LYST: variants seen among roughly 807,000 people sequenced by gnomAD.
The protein encoded by LYST is lysosomal trafficking regulator.
In LYST, 192 loss-of-function variants were observed where a neutral mutation model predicts 413.6. That is an observed-to-expected ratio of 0.46 (90% CI 0.41 to 0.52). LYST has a LOEUF of 0.52. Among genes scored for constraint, LYST ranks in the 20% least tolerant of loss-of-function variants. The pLI, the probability that LYST is intolerant of heterozygous loss-of-function variation, is 0.00. For synonymous variants in LYST, 1,525 were observed against 1,567.3 expected (o/e 0.97, Z 0.64); for missense variants, 3,815 against 4,499.9 (o/e 0.85, Z 4.35).
intron 1 of LYST, among the ~76,000 whole-genome samples, chr1:235,839,065 A>G (rs534051530): frequency 1.2e-4 from 18 of 151,856 alleles, no homozygotes; most frequent in African/African-American, 4.1e-4. Context: ...GCTCAAGTGA[A>G]CCTCCCGCCT....
At position 235,882,078 on chromosome 1, in the gene LYST, T is replaced by TCACACACACACACACACACACA. The variant is rs71174466; in HGVS notation, n.454+1087_454+1108dup. On this transcript the variant is annotated intron_variant and non_coding_transcript_variant, in intron 1 of 11. Coordinates refer to the LYST transcript ENST00000465349. ...CACATACACACACACACTCTTTCTT[T>TCACACACACACACACACACACA]CACACACACACACACACACACACAC... 6.1e-3 allele frequency among the ~76,000 whole-genome samples: 892 copies of TCACACACACACACACACACACA among 145,766 alleles called. 9 individuals carry two copies. The highest frequency in any genetic ancestry group is 0.022 in the African/African-American group (850 of 38,904).
At chr1:235,806,886 C>T in intron 5 of LYST, 114 bp from the exon 6 acceptor site, 1 of 718,390 alleles carries the variant, frequency 1.4e-6, no homozygotes, top group Non-Finnish European at 2.4e-6. Context: ...TAACCACTAC[C>T]TAATTTTATT....
chr1:235,733,591 C>T lies in LYST; in HGVS notation c.8713G>A (p.Val2905Met). The change falls in exon 34 of 53, where the codon GTG becomes ATG. Residue 2905 changes from valine (V) to methionine (M), a missense_variant. Coordinates refer to ENST00000389793, the MANE Select transcript of LYST (RefSeq NM_000081.4). ...SLSQGNERKK[V>M]IQHIRGMYKV... ...TACATTCCTCTAATATGCTGGATCA[C>T]CTTTTTTCTCTCATTTCCTTGGGAG... is the stretch of plus-strand genomic sequence containing the variant. 6.2e-7 allele frequency: 1 copy of T among 1,613,830 alleles called. No homozygotes were observed.
chr1:235,773,267 A>G lies in LYST; in HGVS notation c.5784+575T>C, dbSNP rs568481107. 2.4e-3 allele frequency among the ~76,000 whole-genome samples: 364 copies of G among 152,130 alleles called. 3 individuals carry two copies. The highest frequency in any genetic ancestry group is 0.01 in the Middle Eastern group (3 of 294). On this transcript the variant is annotated intron_variant, in intron 19 of 52. Transcript: ENST00000389793. ...CTGGGGGTGGAGGTTGCAGTGAGCCAAGATCACGCCACTGCACTCCAGCCT... is the reference window on the plus strand; with the variant it reads ...CTGGGGGTGGAGGTTGCAGTGAGCCGAGATCACGCCACTGCACTCCAGCCT...
In LYST at chr1:235,810,042, T is replaced by A. The variant is rs1240232026; in HGVS notation, c.776A>T (p.His259Leu). ...TTTTTCTAATAAAGATAACAAAACA[T>A]GACATAAGTCAAATGGAGAATTGTT... ...NMNNSPFDLC[H>L]VLLSLLEKVC... is the part of the protein sequence containing the mutation. Residue 259 changes from histidine (H) to leucine (L), a missense_variant, in exon 5 of 53, where the codon CAT becomes CTT. Around this residue, in one of 4 missense-constraint regions of LYST, gnomAD observed 1,648 missense variants for 1,810.3 expected, o/e 0.91. Coordinates refer to ENST00000389793, the MANE Select transcript of LYST (RefSeq NM_000081.4). 1.9e-6 allele frequency: 3 copies of A among 1,614,030 alleles called. No homozygotes were observed. Among genetic ancestry groups the A allele is most frequent in the Non-Finnish European group, 2.5e-6 (3 of 1,179,960 alleles).
chr1:235,801,772 A>G (rs1672257931), intron 8 of LYST, among the ~76,000 whole-genome samples: 1 of 152,138 alleles, frequency 6.6e-6, no homozygotes, highest in Non-Finnish European at 1.5e-5. Flanking sequence ...TAATAAACCA[A>G]TATTTTTTCA....
chr1:235,870,108 C>T (rs1296054362), upstream of LYST, among the ~76,000 whole-genome samples: 3 of 152,144 alleles, frequency 2.0e-5, no homozygotes, highest in African/African-American at 7.2e-5. Flanking sequence ...ACAAATGTTC[C>T]CTAAAACAAT....
intron 32 of LYST, among the ~76,000 whole-genome samples, chr1:235,734,226 C>T (rs565334488): frequency 6.6e-6 from 1 of 152,144 alleles, no homozygotes; most frequent in East Asian, 1.9e-4. Context: ...CTTCAGCTTG[C>T]TTGTCACTTT....
intron 44 of LYST, among the ~76,000 whole-genome samples, chr1:235,706,749 T>C (rs942186114): frequency 2.7e-4 from 41 of 152,324 alleles, no homozygotes; most frequent in African/African-American, 8.4e-4. Flanking sequence ...TTCCATAGCA[T>C]TTATCTTCTA....
upstream of LYST, among the ~76,000 whole-genome samples, chr1:235,869,388 C>G (rs147356085): frequency 3.9e-4 from 60 of 152,224 alleles, 2 homozygotes; most frequent in East Asian, 0.012. Flanking sequence ...AGGAGAATAG[C>G]GTGAACCCGG....
At chr1:235,825,377 T>G (rs576724747) in intron 3 of LYST, among the ~76,000 whole-genome samples, 1 of 152,092 alleles carries the variant, frequency 6.6e-6, no homozygotes, top group Admixed American at 6.5e-5. Context: ...ATAAAAGGCA[T>G]ACAAATTGGG....
At chr1:235,862,266 C>T (rs907189646) in intron 1 of LYST, among the ~76,000 whole-genome samples, 2 of 152,222 alleles carry the variant, frequency 1.3e-5, no homozygotes, top group African/African-American at 4.8e-5. Context: ...CTGTTTTCCT[C>T]ACCCCTTTTC....
At chr1:235,824,287 T>C (rs941978867) in intron 3 of LYST, among the ~76,000 whole-genome samples, 1 of 152,382 alleles carries the variant, frequency 6.6e-6, no homozygotes, top group Non-Finnish European at 1.5e-5. Flanking sequence ...ATGGAAATTA[T>C]GTATCACTGA....
At chr1:235,873,022 C>T (rs977345150) in intron 1 of LYST, among the ~76,000 whole-genome samples, 13 of 152,090 alleles carry the variant, frequency 8.5e-5, no homozygotes, top group Non-Finnish European at 1.5e-4. Flanking sequence ...AGAGTTTCCA[C>T]GGCCTATCTT....
At position 235,809,279 on chromosome 1, in the gene LYST, G is replaced by C; in HGVS notation, c.1539C>G (p.His513Gln). ...AAACCAGAAGACCTGAGAGATCTCG[G>C]TGATGATGCATAAAATGAGAATATT... is the stretch of plus-strand genomic sequence containing the variant. The part of the protein sequence containing the change: ...RCEYSHFMHH[H>Q]RDLSGLLVSA... Residue 513 changes from histidine (H) to glutamine (Q), a missense_variant, in exon 5 of 53, where the codon CAC becomes CAG. Transcript: ENST00000389793. The surrounding 1 kb of genome is among the most constrained non-coding windows in gnomAD (Gnocchi z 4.0). The C allele has an allele frequency of 3.1e-6, 5 of 1,614,042 alleles. No individual in the cohort carries two copies. Among genetic ancestry groups the C allele is most frequent in the Non-Finnish European group, 4.2e-6 (5 of 1,179,972 alleles).
chr1:235,801,413 T>TG (rs1672202441), intron 8 of LYST, among the ~76,000 whole-genome samples: 1 of 150,548 alleles, frequency 6.6e-6, no homozygotes. Context: ...TCAAACTTTC[T>TG]GACCCCCCCC....
At chr1:235,790,755 C>T (rs1336203657) in intron 12 of LYST, among the ~76,000 whole-genome samples, 2 of 152,026 alleles carry the variant, frequency 1.3e-5, no homozygotes, top group African/African-American at 2.4e-5. Context: ...TTTTTCTGCC[C>T]TAGTCATATG....
chr1:235,740,512 A>C (rs1385858224), intron 31 of LYST, among the ~76,000 whole-genome samples: 1 of 152,118 alleles, frequency 6.6e-6, no homozygotes, highest in Non-Finnish European at 1.5e-5. Flanking sequence ...ATAGAATCAC[A>C]GATTGTACTC....
At chr1:235,728,956 A>C (rs1664132020) in intron 37 of LYST, among the ~76,000 whole-genome samples, 1 of 152,194 alleles carries the variant, frequency 6.6e-6, no homozygotes, top group Non-Finnish European at 1.5e-5. Flanking sequence ...AGATTCATCA[A>C]GTCTGGACTG....
Sources: gnomAD v4.1 joint callset for allele counts (sites outside exome capture counted in the v4.1 genomes callset) on GRCh38, gnomAD v4.1.1 for gene constraint, gnomAD v4.1.1 regional missense constraint, Gnocchi (gnomAD v3.1) non-coding constraint, MANE v1.5 for transcripts, NCBI Gene and HGNC (gene_info 2026-07-23, HGNC 2026-07-21) for gene names.